Variants in MTF2 observed in about 807,000 individuals in gnomAD.
MTF2 encodes metal response element binding transcription factor 2, also known as metal-response element-binding transcription factor 2.
In MTF2, 11 loss-of-function variants were observed where a neutral mutation model predicts 79.5. The ratio of observed to expected loss-of-function variants is 0.14; its 90% CI spans 0.09 to 0.23. The LOEUF is 0.23. Among genes scored for constraint, MTF2 ranks in the 10% least tolerant of loss-of-function variants. The probability of loss-of-function intolerance (pLI) is 1.00; values close to 1 mark genes in which losing one functional copy is unlikely to be tolerated. For missense variants in MTF2, 486 were observed against 711.2 expected, an observed-to-expected ratio of 0.68 and a Z score of 3.60; for synonymous variants, 208 against 232.8, an observed-to-expected ratio of 0.89 and a Z score of 0.97.
rs1157433132 is a variant in MTF2, at chr1:93,115,679, T to C, written c.632+61T>C. ...ATTTTTATTTACTTATCTATTTTTC[T>C]TGATTATGGTGTGTGAGTGATGGTG... On this transcript the variant is annotated intron_variant, in intron 6 of 14. Coordinates refer to ENST00000370298, the MANE Select transcript of MTF2 (RefSeq NM_007358.4). 18 of 1,375,782 alleles carry C rather than the reference T, an allele frequency of 1.3e-5. No individual in the cohort carries two copies. In the East Asian group the frequency reaches 4.6e-4, roughly 35 times the overall value. 85.2% of individuals were successfully genotyped at this position (1,375,782 alleles called of 1,614,324 possible). A position where few individuals can be genotyped will look rare whatever the true frequency, so the allele number is the denominator to read the frequency against.
chr1:93,127,441 A>G, intron 10 of MTF2, 142 bp downstream of exon 10: 1 of 563,208 alleles, frequency 1.8e-6, no homozygotes, highest in Admixed American at 3.0e-5. Flanking sequence ...ATTCTATTTT[A>G]GTTAGATTAA....
intron 6 of MTF2, among the ~76,000 whole-genome samples, chr1:93,117,124 C>T (rs1656280398): frequency 6.6e-6 from 1 of 152,118 alleles, no homozygotes; most frequent in East Asian, 1.9e-4. Flanking sequence ...TGCTAATAGA[C>T]TGAATCAAGG....
intron 11 of MTF2, among the ~76,000 whole-genome samples, chr1:93,132,721 GT>G (rs746125461): frequency 6.6e-6 from 1 of 151,952 alleles, no homozygotes; most frequent in South Asian, 2.1e-4. Flanking sequence ...GGAGGGATAA[GT>G]TTTTTTCCTA....
chr1:93,137,098 C>T lies in MTF2; in HGVS notation c.*71C>T. 8.2e-7 allele frequency: 1 copy of T among 1,215,664 alleles called. No homozygotes were observed. Among genetic ancestry groups the T allele is most frequent in the South Asian group, 1.7e-5 (1 of 60,414 alleles). 75.3% of individuals were successfully genotyped at this position (1,215,664 alleles called of 1,614,324 possible). A position where few individuals can be genotyped will look rare whatever the true frequency, so the allele number is the denominator to read the frequency against. On this transcript the variant is annotated 3_prime_UTR_variant, in exon 15 of 15. Transcript: ENST00000370298. ...GTACAGTTCAAAGCCCTAAAGGAGT[C>T]TGGCTTTTACTATCTTTCTTAAAAA...
intron 9 of MTF2, 166 bp downstream of exon 9, chr1:93,120,838 T>G (rs1656444377): frequency 1.5e-6 from 2 of 1,340,684 alleles, no homozygotes; most frequent in Non-Finnish European, 1.9e-6. Flanking sequence ...GGACCAGCCT[T>G]CTCATCCTCC....
At chr1:93,109,627 A>T (rs1655952532) in intron 1 of MTF2, among the ~76,000 whole-genome samples, 1 of 151,620 alleles carries the variant, frequency 6.6e-6, no homozygotes. Flanking sequence ...GAGCCACCGC[A>T]CCTGGCCTTA....
intron 1 of MTF2, among the ~76,000 whole-genome samples, chr1:93,104,877 C>T (rs116698520): frequency 0.025 from 3,789 of 151,988 alleles, 134 homozygotes; most frequent in African/African-American, 0.081. Context: ...ACATTCTCGG[C>T]CGGGCGCGGT....
intron 3 of MTF2, among the ~76,000 whole-genome samples, chr1:93,111,808 A>C (rs1011947746): frequency 1.3e-5 from 2 of 152,190 alleles, no homozygotes; most frequent in African/African-American, 4.8e-5. Flanking sequence ...TACCCTGCAC[A>C]CAAAATTATT....
Position 93,137,044 on chromosome 1 carries a change from T to TA in MTF2, c.*18dup. 6.3e-7 allele frequency: 1 copy of TA among 1,580,754 alleles called. No individual in the cohort carries two copies. ...GCATCCTGACTGTAGGACTGAACAT[T>TA]ATGTTCACTGCACTCTGATTTTCTG... is the stretch of plus-strand genomic sequence containing the variant. On this transcript the variant is annotated 3_prime_UTR_variant, in exon 15 of 15. Transcript: ENST00000370298.
intron 11 of MTF2, among the ~76,000 whole-genome samples, chr1:93,132,663 C>T (rs1656966339): frequency 6.6e-6 from 1 of 152,160 alleles, no homozygotes; most frequent in Non-Finnish European, 1.5e-5. Context: ...CCCCTACTTT[C>T]TCCTTCCTCA....
intron 7 of MTF2, among the ~76,000 whole-genome samples, chr1:93,118,970 G>A (rs1319834877): frequency 2.6e-5 from 4 of 152,244 alleles, no homozygotes; most frequent in South Asian, 2.1e-4. Context: ...TGTCTCTTTC[G>A]GGCTTATTAT....
intron 6 of MTF2, among the ~76,000 whole-genome samples, chr1:93,118,071 A>C (rs553017163): frequency 2.2e-4 from 34 of 152,296 alleles, no homozygotes; most frequent in African/African-American, 7.9e-4. Flanking sequence ...TCATTTGACT[A>C]GTGTAGGAGC....
intron 11 of MTF2, 143 bp downstream of exon 11, chr1:93,129,591 C>G: frequency 1.7e-6 from 1 of 582,182 alleles, no homozygotes; most frequent in Non-Finnish European, 2.6e-6. Flanking sequence ...TCTATCATAT[C>G]TTGCTTAGAC....
intron 1 of MTF2, among the ~76,000 whole-genome samples, chr1:93,107,431 G>A (rs1219205727): frequency 6.6e-6 from 1 of 152,036 alleles, no homozygotes; most frequent in East Asian, 1.9e-4. Flanking sequence ...TTGCTATGTT[G>A]GCCAGGCTTG....
At position 93,079,426 on chromosome 1, in the gene MTF2, C is replaced by T; in HGVS notation, c.-101C>T. The T allele has an allele frequency of 1.4e-6, 2 of 1,466,632 alleles. No individual in the cohort carries two copies. Among genetic ancestry groups the T allele is most frequent in the Non-Finnish European group, 9.5e-7 (1 of 1,050,136 alleles). 90.9% of individuals were successfully genotyped at this position (1,466,632 alleles called of 1,614,324 possible). A position where few individuals can be genotyped will look rare whatever the true frequency, so the allele number is the denominator to read the frequency against. On this transcript the variant is annotated 5_prime_UTR_variant, in exon 1 of 15. Coordinates refer to ENST00000370298, the MANE Select transcript of MTF2 (RefSeq NM_007358.4). ...CATATGTGCCGGGTACCCGGTGGGG[C>T]GGGTGCCCAGTAAGTGCTCGGACTC... is the stretch of plus-strand genomic sequence containing the variant.
At position 93,079,418 on chromosome 1, in the gene MTF2, C is replaced by G; in HGVS notation, c.-109C>G. 1 of 1,399,606 alleles carries G rather than the reference C, an allele frequency of 7.1e-7. No individual in the cohort carries two copies. The highest frequency in any genetic ancestry group is 1.0e-6 in the Non-Finnish European group (1 of 989,758). The allele number at this position is 1,399,606 out of a possible 1,614,324, so 86.7% of individuals were successfully genotyped here. A position where few individuals can be genotyped will look rare whatever the true frequency, so the allele number is the denominator to read the frequency against. On this transcript the variant is annotated 5_prime_UTR_variant, in exon 1 of 15. Transcript: ENST00000370298. ...TGTGCGTGCATATGTGCCGGGTACC[C>G]GGTGGGGCGGGTGCCCAGTAAGTGC...
chr1:93,083,606 T>G (rs1464110593), intron 1 of MTF2, among the ~76,000 whole-genome samples: 11 of 152,150 alleles, frequency 7.2e-5, no homozygotes, highest in Non-Finnish European at 4.4e-5. Flanking sequence ...CTGGGTCAGA[T>G]GATAACTCGG....
intron 1 of MTF2, among the ~76,000 whole-genome samples, chr1:93,108,904 A>G (rs2101054881): frequency 6.6e-6 from 1 of 152,262 alleles, no homozygotes; most frequent in Non-Finnish European, 1.5e-5. Context: ...ACCTCATATA[A>G]GTGGAATAGT....
At chr1:93,097,246 G>A (rs1156842972) in intron 1 of MTF2, among the ~76,000 whole-genome samples, 5 of 152,198 alleles carry the variant, frequency 3.3e-5, no homozygotes, top group Non-Finnish European at 5.9e-5. Context: ...TTATAGATCA[G>A]TATATGGTCA....
Sources: gnomAD v4.1 joint callset for allele counts (sites outside exome capture counted in the v4.1 genomes callset) on GRCh38, gnomAD v4.1.1 for gene constraint, MANE v1.5 for transcripts, NCBI Gene and HGNC (gene_info 2026-07-23, HGNC 2026-07-21) for gene names.